The following MAX variants were observed in gnomAD, a reference collection of about 807,000 sequenced individuals.
The protein encoded by MAX is MYC associated transcriptional regulator X, also known as protein max.
Under a neutral mutation model 22.3 loss-of-function variants are expected in MAX, and 3 were observed. The ratio of observed to expected loss-of-function variants is 0.13; its 90% CI spans 0.06 to 0.35. MAX has a LOEUF of 0.35. MAX is among the 10% of genes least tolerant of loss of function. The pLI, the probability that MAX is intolerant of heterozygous loss-of-function variation, is 1.00. For missense variants in MAX, 119 were observed against 209.4 expected, an observed-to-expected ratio of 0.57 and a Z score of 2.66; for synonymous variants, 72 against 77.7, an observed-to-expected ratio of 0.93 and a Z score of 0.39.
At chr14:65,048,638 A>C (rs1304205003) in intron 3 of MAX, among the ~76,000 whole-genome samples, 1 of 152,184 alleles carries the variant, frequency 6.6e-6, no homozygotes, top group African/African-American at 2.4e-5. Context: ...GGACCTCTTG[A>C]GCTCAGGAGT....
intron 2 of MAX, among the ~76,000 whole-genome samples, chr14:65,099,074 C>A (rs540027627): frequency 5.9e-5 from 9 of 151,852 alleles, no homozygotes; most frequent in Non-Finnish European, 8.8e-5. Flanking sequence ...AAGAATAGCT[C>A]CCTCTTAAAT....
chr14:65,072,492 C>T (rs1293206468), downstream of MAX, among the ~76,000 whole-genome samples: 1 of 152,218 alleles, frequency 6.6e-6, no homozygotes, highest in Non-Finnish European at 1.5e-5. Flanking sequence ...TCAGCTGTGC[C>T]TAACTTCCCC....
At chr14:65,075,122 C>T (rs2063025822), downstream of MAX, 2 of 1,015,852 alleles carry the variant, frequency 2.0e-6, no homozygotes, top group Non-Finnish European at 1.2e-6. The surrounding 1 kb of genome is among the most constrained non-coding windows in gnomAD (Gnocchi z 4.1). Context: ...GACACCACCA[C>T]CAAGAAGGAT....
In MAX at chr14:65,079,396, G is replaced by A. The variant is rs1162523520; in HGVS notation, c.172-1360C>T. 1.3e-5 allele frequency among the ~76,000 whole-genome samples: 2 copies of A among 152,214 alleles called. No homozygotes were observed. The highest frequency in any genetic ancestry group is 4.8e-5 in the African/African-American group (2 of 41,456). On this transcript the variant is annotated intron_variant, in intron 3 of 4. Transcript: ENST00000358664. This position sits in a 1 kb window ranked among gnomAD's most constrained non-coding sequence, Gnocchi z 4.5. The stretch of plus-strand genomic sequence containing the variant: ...CTGCCTTGCTAGAGTAAGTTCGTAA[G>A]TCAATAACATGGATGTCATGTTACT...
rs988800495 is a variant in MAX at position 65,076,843 on chromosome 14, G to A, written c.296-180C>T. The A allele has an allele frequency of 4.8e-5, 33 of 691,280 alleles. No homozygotes were observed. The highest frequency in any genetic ancestry group is 7.5e-5 in the Non-Finnish European group (29 of 387,190). 42.8% of individuals were successfully genotyped at this position (691,280 alleles called of 1,614,324 possible). Reference sequence around the variant, plus strand: ...CACTCACACACTTCATTTCCCTCCCGCCTTTCCCAGCTGGACCTGGGAGCC... The same window carrying A: ...CACTCACACACTTCATTTCCCTCCCACCTTTCCCAGCTGGACCTGGGAGCC... On this transcript the variant is annotated intron_variant, in intron 4 of 4. Coordinates refer to ENST00000358664, the MANE Select transcript of MAX (RefSeq NM_002382.5). This position sits in a 1 kb window ranked among gnomAD's most constrained non-coding sequence, Gnocchi z 6.6.
At chr14:65,006,634 G>A (rs193189645) in intron 3 of MAX, among the ~76,000 whole-genome samples, 11 of 152,280 alleles carry the variant, frequency 7.2e-5, no homozygotes, top group African/African-American at 1.2e-4. Flanking sequence ...TCACCCGATC[G>A]GGCTGAGTCA....
chr14:65,076,971 G>A lies in MAX; in HGVS notation c.296-308C>T, dbSNP rs1047374472. On this transcript the variant is annotated intron_variant, in intron 4 of 4. Transcript: ENST00000358664. The surrounding 1 kb of genome is among the most constrained non-coding windows in gnomAD (Gnocchi z 6.6). ...AGAGACTGGAGCGTGAGCTCCCTGT[G>A]GGATTCAGCAGTGCAATAACAGAGG... The A allele has an allele frequency of 3.6e-6, 2 of 554,666 alleles. No individual in the cohort carries two copies. The highest frequency in any genetic ancestry group is 3.8e-5 in the African/African-American group (2 of 53,098). 34.4% of individuals were successfully genotyped at this position (554,666 alleles called of 1,614,324 possible).
rs910547431 is a variant in MAX at position 65,082,010 on chromosome 14, T to C, written c.172-3974A>G. ...ACAATGATGATGGGGGTGGTAACAA[T>C]GGCAGCACTAACACTTACTGAGTAC... is the stretch of plus-strand genomic sequence containing the variant. On this transcript the variant is annotated intron_variant, in intron 3 of 4. Transcript: ENST00000358664. This position sits in a 1 kb window ranked among gnomAD's most constrained non-coding sequence, Gnocchi z 4.8. 6.6e-6 allele frequency: 1 copy of C among 152,164 alleles called. No homozygotes were observed. The highest frequency in any genetic ancestry group is 1.5e-5 in the Non-Finnish European group (1 of 68,022). 9.4% of individuals were successfully genotyped at this position (152,164 alleles called of 1,614,324 possible).
chr14:65,013,768 G>A (rs56323926), intron 3 of MAX, among the ~76,000 whole-genome samples: 15,219 of 152,162 alleles, frequency 0.1, 1,015 homozygotes, highest in Admixed American at 0.17. Context: ...GGCTGGTCTC[G>A]AGCTCCTGAC....
At chr14:65,046,556 A>G (rs984406988) in intron 3 of MAX, among the ~76,000 whole-genome samples, 2 of 152,168 alleles carry the variant, frequency 1.3e-5, no homozygotes, top group African/African-American at 2.4e-5. Context: ...AAGGGTGCCT[A>G]TGAATCTTGG....
At chr14:65,080,100 G>A (rs980713831) in intron 3 of MAX, among the ~76,000 whole-genome samples, 2 of 152,180 alleles carry the variant, frequency 1.3e-5, no homozygotes, top group East Asian at 1.9e-4. Context: ...GAGACACCAC[G>A]GGAAAGATGG....
At chr14:65,061,039 C>A in intron 3 of MAX, 2 of 1,366,012 alleles carry the variant, frequency 1.5e-6, no homozygotes, top group Non-Finnish European at 2.0e-6. Flanking sequence ...AGCAAATACA[C>A]CATTTTTGAA....
chr14:65,074,933 C>T (rs1425836403), downstream of MAX, among the ~76,000 whole-genome samples: 5 of 152,312 alleles, frequency 3.3e-5, no homozygotes, highest in African/African-American at 7.2e-5. Flanking sequence ...AAAGCCATCA[C>T]CACCCATTTA....
Position 65,075,790 on chromosome 14 carries a change from G to A in MAX, c.*686C>T, listed in dbSNP as rs1039765392. On this transcript the variant is annotated 3_prime_UTR_variant, in exon 5 of 5. Coordinates refer to ENST00000358664, the MANE Select transcript of MAX (RefSeq NM_002382.5). This position sits in a 1 kb window ranked among gnomAD's most constrained non-coding sequence, Gnocchi z 4.1. ...CATACATACCACGAGAGTGTCACAC[G>A]GCCCTCCGTGAGGCTGGCGCCGCAG... 5 of 1,066,548 alleles carry A rather than the reference G, an allele frequency of 4.7e-6. No individual in the cohort carries two copies. The highest frequency in any genetic ancestry group is 1.1e-4 in the Admixed American group (2 of 18,812). 66.1% of individuals were successfully genotyped at this position (1,066,548 alleles called of 1,614,324 possible).
intron 3 of MAX, among the ~76,000 whole-genome samples, chr14:65,025,928 C>A (rs545137153): frequency 6.6e-6 from 1 of 152,212 alleles, no homozygotes; most frequent in African/African-American, 2.4e-5. Context: ...GTTGTTTTAA[C>A]CTGTGACGTT....
At chr14:65,020,597 C>G (rs1473468042) in intron 3 of MAX, among the ~76,000 whole-genome samples, 1 of 151,828 alleles carries the variant, frequency 6.6e-6, no homozygotes, top group Non-Finnish European at 1.5e-5. Flanking sequence ...CCACACCCGG[C>G]TAATTTTTGT....
downstream of MAX, among the ~76,000 whole-genome samples, chr14:65,071,018 G>C (rs370732445): frequency 1.1e-4 from 16 of 152,278 alleles, no homozygotes; most frequent in East Asian, 1.3e-3. The surrounding 1 kb of genome is among the most constrained non-coding windows in gnomAD (Gnocchi z 4.2). Context: ...TCTTGCTCAA[G>C]TTCTTTCAGA....
At chr14:65,055,539 C>CA (rs1192148030) in intron 3 of MAX, among the ~76,000 whole-genome samples, 1 of 151,230 alleles carries the variant, frequency 6.6e-6, no homozygotes, top group African/African-American at 2.4e-5. Flanking sequence ...TTTTGTGAGA[C>CA]AAAGTCTCAC....
At chr14:65,017,665 A>T (rs531175676) in intron 3 of MAX, among the ~76,000 whole-genome samples, 3 of 152,332 alleles carry the variant, frequency 2.0e-5, no homozygotes, top group African/African-American at 7.2e-5. Context: ...AATTTTTTTT[A>T]AATGTAAAGC....
Sources: gnomAD v4.1 joint callset for allele counts (sites outside exome capture counted in the v4.1 genomes callset) on GRCh38, gnomAD v4.1.1 for gene constraint, Gnocchi (gnomAD v3.1) non-coding constraint, MANE v1.5 for transcripts, NCBI Gene and HGNC (gene_info 2026-07-23, HGNC 2026-07-21) for gene names.